IRAG1: variants seen among roughly 807,000 people sequenced by gnomAD.
The protein encoded by IRAG1 is inositol 1,4,5-triphosphate receptor associated 1.
In IRAG1, 62 loss-of-function variants were observed where a neutral mutation model predicts 106.2. The ratio of observed to expected loss-of-function variants is 0.58; its 90% confidence interval spans 0.48 to 0.72. The LOEUF (loss-of-function observed/expected upper bound fraction) is 0.72, where lower values mean the gene tolerates loss of function less well. Among genes scored for constraint, IRAG1 ranks in the 30% least tolerant of loss-of-function variants. The probability of loss-of-function intolerance (pLI) is 0.00; values close to 1 mark genes in which losing one functional copy is unlikely to be tolerated. For missense variants in IRAG1, 1,064 were observed against 1,140.7 expected (o/e 0.93, Z 0.97); for synonymous variants, 462 against 443.9 (o/e 1.04, Z -0.51).
Position 10,575,240 on chromosome 11 carries a change from T to C in IRAG1, c.*1092A>G, listed in dbSNP as rs1019310715. On this transcript the variant is annotated 3_prime_UTR_variant, in exon 21 of 21. Transcript: ENST00000423302. ...TGCTCTGAAACACCCCTAATTATAC[T>C]GGGGTTGGAAACCCCATTTGAACTG... The C allele has an allele frequency of 2.0e-5, 3 of 152,234 alleles. No individual in the cohort carries two copies. Among genetic ancestry groups the C allele is most frequent in the African/African-American group, 7.2e-5 (3 of 41,468 alleles). The allele number at this position is 152,234 out of a possible 1,614,324, so 9.4% of individuals were successfully genotyped here.
At chr11:10,680,455 GAGAA>G (rs1312247136) in intron 1 of IRAG1, among the ~76,000 whole-genome samples, 2 of 143,180 alleles carry the variant, frequency 1.4e-5, no homozygotes, top group Non-Finnish European at 3.0e-5. Flanking sequence ...GAAAGGGAAA[GAGAA>G]AGAAGGAAGG....
At chr11:10,684,234 T>C (rs760273370) in intron 1 of IRAG1, among the ~76,000 whole-genome samples, 42 of 152,122 alleles carry the variant, frequency 2.8e-4, no homozygotes, top group African/African-American at 9.9e-4. Context: ...TAGACTGGAT[T>C]AAGAAAATGT....
At position 10,573,522 on chromosome 11, in the gene IRAG1, A is replaced by C. The variant is rs1203087381; in HGVS notation, c.*2810T>G. On this transcript the variant is annotated 3_prime_UTR_variant, in exon 21 of 21. Coordinates refer to ENST00000423302, the MANE Select transcript of IRAG1 (RefSeq NM_130385.4). ...GGTCTTTGCTTTCCAGAAAAGATGGACTCATGAGCACTTTTTCAGCCCCTG... is the reference window on the plus strand; with the variant it reads ...GGTCTTTGCTTTCCAGAAAAGATGGCCTCATGAGCACTTTTTCAGCCCCTG... 6.6e-6 allele frequency: 1 copy of C among 152,128 alleles called. No individual in the cohort carries two copies. The highest frequency in any genetic ancestry group is 1.5e-5 in the Non-Finnish European group (1 of 68,084). The allele number at this position is 152,128 out of a possible 1,614,324, so 9.4% of individuals were successfully genotyped here.
chr11:10,680,392 G>C (rs1226056566), intron 1 of IRAG1, among the ~76,000 whole-genome samples: 1 of 72,442 alleles, frequency 1.4e-5, no homozygotes, highest in East Asian at 5.1e-4. Flanking sequence ...AAGGAAGGAA[G>C]GAAGGAAGGA....
Position 10,609,762 on chromosome 11 carries a change from G to A in IRAG1, c.1537C>T (p.Arg513Cys), listed in dbSNP as rs116772600. The A allele has an allele frequency of 2.0e-5, 32 of 1,613,706 alleles. No individual in the cohort carries two copies. Among genetic ancestry groups the A allele is most frequent in the African/African-American group, 6.7e-5 (5 of 74,898 alleles). The change falls in exon 11 of 21, where the codon CGC (arginine) becomes TGC (cysteine). Residue 513 changes from arginine (R) to cysteine (C), a missense_variant. Arg to Cys is a radical substitution (Grantham distance 180). Transcript: ENST00000423302. ...VMPNISDVLL[R>C]KLRVHRSLPG... Reference sequence around the variant, plus strand: ...AGACTCCTGTGGACCCGCAGTTTGCGCAGCAGCACATCAGAAATATTAGGC... The same window carrying A: ...AGACTCCTGTGGACCCGCAGTTTGCACAGCAGCACATCAGAAATATTAGGC...
chr11:10,643,960 T>TTTA (rs1250257041), intron 2 of IRAG1, among the ~76,000 whole-genome samples: 1 of 152,264 alleles, frequency 6.6e-6, no homozygotes, highest in Non-Finnish European at 1.5e-5. Flanking sequence ...ACCGTCAACA[T>TTTA]TTCTAAAACA....
In IRAG1 at chr11:10,581,898, C is replaced by T. The variant is rs143016635; in HGVS notation, c.2329G>A (p.Ala777Thr). ...CTGTAGGCTTCTTCCTCCATCCTGG[C>T]CTTGGTCTCCTGACTAAGCTCCTCC... Reference protein sequence around the residue: ...CLEELSQETKARMEEEAYSKG... With the variant: ...CLEELSQETKTRMEEEAYSKG... The change falls in exon 19 of 21, where the codon GCC becomes ACC. Residue 777 changes from alanine (A) to threonine (T), a missense_variant. By Grantham distance (58) the Ala-to-Thr change is moderately conservative. Coordinates refer to ENST00000423302, the MANE Select transcript of IRAG1 (RefSeq NM_130385.4). 269 of 1,613,874 alleles carry T rather than the reference C, an allele frequency of 1.7e-4. No individual in the cohort carries two copies. The African/African-American group carries it at 3.1e-3, about 19-fold the overall frequency.
intron 14 of IRAG1, 128 bp from the exon 15 acceptor site, chr11:10,601,187 A>AAC: frequency 7.6e-7 from 1 of 1,309,638 alleles, no homozygotes; most frequent in South Asian, 1.4e-5. Flanking sequence ...CTGCCCTCTG[A>AAC]AGAGTTTGCT....
chr11:10,688,363 A>G (rs10743147), intron 1 of IRAG1, among the ~76,000 whole-genome samples: 109,038 of 152,006 alleles, frequency 0.72, 39,352 homozygotes, highest in East Asian at 0.88. Context: ...CCTGACTCAG[A>G]GCCCGGGGTT....
intron 1 of IRAG1, among the ~76,000 whole-genome samples, chr11:10,691,997 A>C (rs771702103): frequency 2.6e-5 from 4 of 152,216 alleles, no homozygotes; most frequent in Non-Finnish European, 5.9e-5. Flanking sequence ...ACAGTGTTCA[A>C]TACATAGTAA....
At chr11:10,604,669 C>A (rs574088215) in intron 12 of IRAG1, 124 bp from the exon 13 acceptor site, 1 of 1,170,294 alleles carries the variant, frequency 8.5e-7, no homozygotes, top group Non-Finnish European at 1.2e-6. Context: ...AGCACCAAAG[C>A]AGCCATGTGC....
intron 2 of IRAG1, 126 bp downstream of exon 2, chr11:10,651,899 G>A (rs571728195): frequency 1.1e-5 from 12 of 1,140,622 alleles, no homozygotes; most frequent in Non-Finnish European, 1.4e-5. Flanking sequence ...CCTTCTCCAG[G>A]TACCCACTGC....
At chr11:10,635,490 T>C (rs7934660) in intron 2 of IRAG1, among the ~76,000 whole-genome samples, 3,208 of 152,226 alleles carry the variant, frequency 0.021, 123 homozygotes, top group African/African-American at 0.073. Flanking sequence ...GCATATGAAA[T>C]GTTTTCACCT....
chr11:10,629,303 C>T (rs1591636552), intron 5 of IRAG1, among the ~76,000 whole-genome samples: 1 of 152,170 alleles, frequency 6.6e-6, no homozygotes, highest in Non-Finnish European at 1.5e-5. Flanking sequence ...TCCCTCTAAC[C>T]CAGAAATTCC....
chr11:10,644,711 T>TA (rs1448166519), intron 2 of IRAG1, among the ~76,000 whole-genome samples: 1 of 152,226 alleles, frequency 6.6e-6, no homozygotes, highest in African/African-American at 2.4e-5. Context: ...ACACAGTCCT[T>TA]ACCAGGTTCC....
At chr11:10,622,068 G>C (rs11042898) in intron 10 of IRAG1, among the ~76,000 whole-genome samples, 69,346 of 151,928 alleles carry the variant, frequency 0.46, 16,314 homozygotes, top group East Asian at 0.7. Context: ...TACTGCCACT[G>C]AACTGTATAC....
chr11:10,652,132 C>A lies in IRAG1; in HGVS notation c.118G>T (p.Val40Phe), dbSNP rs781663642. ...WSIFGADAAE[V>F]PGTRGHSQQE... ...TGGGAGTGGCCACGTGTGCCCGGAACCTCCGCTGCGTCAGCCCCAAAGATG... is the reference window on the plus strand; with the variant it reads ...TGGGAGTGGCCACGTGTGCCCGGAAACTCCGCTGCGTCAGCCCCAAAGATG... The change falls in exon 2 of 21, where the codon GTT becomes TTT. Residue 40 changes from valine to phenylalanine, a missense_variant. Physicochemically the swap from Val to Phe is conservative, Grantham distance 50. Transcript: ENST00000423302. The A allele has an allele frequency of 3.1e-6, 5 of 1,612,790 alleles. No homozygotes were observed. The East Asian group carries it at 1.1e-4, about 36-fold the overall frequency.
chr11:10,583,970 T>C (rs1851663026), intron 18 of IRAG1, among the ~76,000 whole-genome samples: 2 of 152,034 alleles, frequency 1.3e-5, no homozygotes, highest in South Asian at 4.1e-4. Context: ...AAGAGTTATA[T>C]GAGAAAGAAG....
intron 5 of IRAG1, 68 bp downstream of exon 5, chr11:10,629,470 G>A (rs1856524253): frequency 6.5e-7 from 1 of 1,535,570 alleles, no homozygotes. Flanking sequence ...ACTGCAGCTG[G>A]TGCCAGGCCC....
Sources: gnomAD v4.1 joint callset for allele counts (sites outside exome capture counted in the v4.1 genomes callset) on GRCh38, gnomAD v4.1.1 for gene constraint, MANE v1.5 for transcripts, NCBI Gene and HGNC (gene_info 2026-07-23, HGNC 2026-07-21) for gene names.